Variants in TACC3 observed in about 807,000 individuals in gnomAD.
TACC3 encodes the protein transforming acidic coiled-coil-containing protein 3.
In TACC3, 52 loss-of-function variants were observed where a neutral mutation model predicts 86.0. The ratio of observed to expected loss-of-function variants is 0.60; its 90% CI spans 0.48 to 0.76. The LOEUF is 0.76. Ranked by LOEUF, TACC3 falls within the 30% of genes least tolerant of loss-of-function variation. The pLI, the probability that TACC3 is intolerant of heterozygous loss-of-function variation, is 0.00. For synonymous variants in TACC3, 512 were observed against 430.0 expected, an observed-to-expected ratio of 1.19 and a Z score of -2.36; for missense variants, 1,120 against 1,070.4, an observed-to-expected ratio of 1.05 and a Z score of -0.65.
chr4:1,723,249 T>G (rs925957594), intron 1 of TACC3, 172 bp from the exon 2 acceptor site: 1 of 663,528 alleles, frequency 1.5e-6, no homozygotes, highest in African/African-American at 1.8e-5. Context: ...AGATGGGGAC[T>G]CAGTCTGAGG....
At chr4:1,724,379 CTTTTTTTTTTTTTTTT>C (rs35896374) in intron 3 of TACC3, among the ~76,000 whole-genome samples, 1 of 108,384 alleles carries the variant, frequency 9.2e-6, no homozygotes, top group Admixed American at 9.6e-5. Flanking sequence ...TCATACTTCA[CTTTTTTTTTTTTTTTT>C]TTTTTTTTTT....
In TACC3 at chr4:1,744,700, C is replaced by T. The variant is rs1577229162; in HGVS notation, c.2331-12C>T. 1 of 1,612,460 alleles carries T rather than the reference C, an allele frequency of 6.2e-7. No homozygotes were observed. Among genetic ancestry groups the T allele is most frequent in the East Asian group, 2.2e-5 (1 of 44,850 alleles). On this transcript the variant is annotated splice_polypyrimidine_tract_variant and intron_variant, in intron 14 of 15. Transcript: ENST00000313288. The stretch of plus-strand genomic sequence containing the variant: ...CCCCAGCTCAGCCTCTGCCCCGCCC[C>T]TACCCCTCCAGGGCAAACGAGGAGA...
intron 12 of TACC3, 133 bp downstream of exon 12, chr4:1,740,135 C>A: frequency 1.2e-6 from 1 of 865,322 alleles, no homozygotes; most frequent in South Asian, 1.6e-5. Context: ...GTCCCTTCAA[C>A]ATGGGCCCGG....
rs1938010017 is a variant in TACC3 at position 1,745,153 on chromosome 4, A to G, written c.*140A>G. 4 of 945,138 alleles carry G rather than the reference A, an allele frequency of 4.2e-6. No individual in the cohort carries two copies. Among genetic ancestry groups the G allele is most frequent in the Admixed American group, 2.7e-5 (1 of 37,274 alleles). 58.5% of individuals were successfully genotyped at this position (945,138 alleles called of 1,614,324 possible). A position where few individuals can be genotyped will look rare whatever the true frequency, so the allele number is the denominator to read the frequency against. ...TGCTTTGAAAACATGACTCAATAAA[A>G]GTTTCCTTTCAATTTAAACACTGAA... On this transcript the variant is annotated 3_prime_UTR_variant, in exon 16 of 16. Transcript: ENST00000313288.
intron 10 of TACC3, 109 bp downstream of exon 10, chr4:1,737,811 C>T (rs541087071): frequency 1.9e-6 from 2 of 1,032,826 alleles, no homozygotes; most frequent in Non-Finnish European, 2.9e-6. Context: ...GCCATCCCTG[C>T]CCCTGCTGGT....
At chr4:1,741,830 A>G (rs1718613468) in intron 13 of TACC3, 1 of 152,254 alleles carries the variant, frequency 6.6e-6, no homozygotes, top group African/African-American at 2.4e-5. Flanking sequence ...TGAATACTCT[A>G]GGGAAGAAGG....
At chr4:1,739,051 G>A (rs1202885189) in intron 10 of TACC3, among the ~76,000 whole-genome samples, 2 of 152,212 alleles carry the variant, frequency 1.3e-5, no homozygotes, top group East Asian at 3.9e-4. Flanking sequence ...GGTCACGCCT[G>A]TAATCCCAGT....
At position 1,735,981 on chromosome 4, in the gene TACC3, CAGCAAGGCCAGAG is replaced by C; in HGVS notation, c.1748+148_1748+160del. 1 of 635,438 alleles carries C rather than the reference CAGCAAGGCCAGAG, an allele frequency of 1.6e-6. No homozygotes were observed. The highest frequency in any genetic ancestry group is 2.7e-6 in the Non-Finnish European group (1 of 373,040). 39.4% of individuals were successfully genotyped at this position (635,438 alleles called of 1,614,324 possible). A position where few individuals can be genotyped will look rare whatever the true frequency, so the allele number is the denominator to read the frequency against. On this transcript the variant is annotated intron_variant, in intron 8 of 15. Coordinates refer to ENST00000313288, the MANE Select transcript of TACC3 (RefSeq NM_006342.3). This position sits in a 1 kb window ranked among gnomAD's most constrained non-coding sequence, Gnocchi z 4.2. ...GGAGCTGTGCTAGGGGTGGGCTGGG[CAGCAAGGCCAGAG>C]CAGCCCTTGTGTGTCTGGCAGGAGC...
rs77096142 is a variant in TACC3 at position 1,726,554 on chromosome 4, G to A, written c.306-1154G>A. On this transcript the variant is annotated intron_variant, in intron 3 of 15. Transcript: ENST00000313288. ...TTTTGCTTGTAGCTGATGTTTTCAC[G>A]CAGATTAAAGTGTTATCGGAATGCT... Among the ~76,000 whole-genome samples, 189 of 152,306 alleles carry A rather than the reference G, an allele frequency of 1.2e-3. No individual in the cohort carries two copies. In the East Asian group the frequency reaches 0.03, roughly 24 times the overall value.
chr4:1,730,208 T>G (rs972766581), intron 4 of TACC3, among the ~76,000 whole-genome samples: 5 of 152,058 alleles, frequency 3.3e-5, no homozygotes, highest in African/African-American at 9.7e-5. Flanking sequence ...CCGGCTAATT[T>G]TTTTGTATTT....
chr4:1,733,034 C>T (rs1026622376), intron 6 of TACC3, among the ~76,000 whole-genome samples: 1 of 152,178 alleles, frequency 6.6e-6, no homozygotes, highest in Non-Finnish European at 1.5e-5. Flanking sequence ...TGCAGTGTTT[C>T]ACATTCCCAC....
In TACC3 at chr4:1,733,986, A is replaced by AGAAAAGAAAAGAAAAG. The variant is rs990602361; in HGVS notation, c.1592-1287_1592-1286insGAAAAGAAAAGAAAAG. On this transcript the variant is annotated intron_variant, in intron 6 of 15. Transcript: ENST00000313288. ...AGCAAGACTCTGTCTCAAAAAAAAA[A>AGAAAAGAAAAGAAAAG]AAAAGAAAAGAAAACTGACAAGGCC... Among the ~76,000 whole-genome samples the AGAAAAGAAAAGAAAAG allele has an allele frequency of 1.2e-4, 19 of 152,156 alleles. No individual in the cohort carries two copies. In the East Asian group the frequency reaches 3.5e-3, roughly 28 times the overall value.
chr4:1,741,008 G>A, intron 13 of TACC3, 22 bp downstream of exon 13: 1 of 1,589,476 alleles, frequency 6.3e-7, no homozygotes, highest in Non-Finnish European at 8.5e-7. Flanking sequence ...CCACCCTGGT[G>A]TCCTCACCTC....
chr4:1,722,092 C>G (rs1717411917), intron 1 of TACC3, among the ~76,000 whole-genome samples: 1 of 152,210 alleles, frequency 6.6e-6, no homozygotes, highest in African/African-American at 2.4e-5. Context: ...TTCCCCGCAC[C>G]TGCTGCGCCG....
At chr4:1,726,426 C>T (rs1191505527) in intron 3 of TACC3, among the ~76,000 whole-genome samples, 2 of 152,188 alleles carry the variant, frequency 1.3e-5, no homozygotes, top group Admixed American at 6.5e-5. Context: ...TTACCACGCC[C>T]CCTGCTGGCC....
At chr4:1,730,778 T>G in intron 4 of TACC3, 109 bp from the exon 5 acceptor site, 1 of 1,252,750 alleles carries the variant, frequency 8.0e-7, no homozygotes, top group Middle Eastern at 1.9e-4. Context: ...AATGTTCACG[T>G]GGCCGGCACA....
chr4:1,733,055 AAG>A (rs753099663), intron 6 of TACC3, among the ~76,000 whole-genome samples: 18 of 152,098 alleles, frequency 1.2e-4, no homozygotes, highest in Non-Finnish European at 2.6e-4. Context: ...TGGCAGTTAT[AAG>A]AGAGCTCCAG....
In TACC3 at chr4:1,723,459, A is replaced by G; in HGVS notation, c.38A>G (p.Asn13Ser). 1.2e-6 allele frequency: 2 copies of G among 1,613,520 alleles called. No homozygotes were observed. Among genetic ancestry groups the G allele is most frequent in the Non-Finnish European group, 1.7e-6 (2 of 1,179,970 alleles). The change falls in exon 2 of 16, where the codon AAT becomes AGT. Residue 13 changes from asparagine (N) to serine (S), a missense_variant. By Grantham distance (46) the Asn-to-Ser change is conservative. Transcript: ENST00000313288. ...GTCTTAAACGACAAAAATGTCAGCA[A>G]TGAAAAAAATACAGAAAATTGCGAC... ...LQVLNDKNVSNEKNTENCDFL... is the reference protein window; with the variant it reads ...LQVLNDKNVSSEKNTENCDFL...
intron 13 of TACC3, 21 bp downstream of exon 13, chr4:1,741,007 T>TG (rs752177958): frequency 1.9e-6 from 3 of 1,589,654 alleles, no homozygotes; most frequent in African/African-American, 2.7e-5. Context: ...GCCACCCTGG[T>TG]GTCCTCACCT....
Sources: allele counts gnomAD v4.1 joint callset (sites outside exome capture counted in the v4.1 genomes callset), GRCh38; gene constraint gnomAD v4.1.1; non-coding constraint Gnocchi (gnomAD v3.1); transcripts MANE v1.5; gene names NCBI Gene and HGNC (gene_info 2026-07-23, HGNC 2026-07-21).